Variants in FLNC observed in about 807,000 individuals in gnomAD.
FLNC encodes filamin C, also known as filamin-C.
In FLNC, 91 loss-of-function variants were observed where a neutral mutation model predicts 254.3. The observed-to-expected ratio is 0.36, with a 90% CI of 0.30 to 0.43. The LOEUF (loss-of-function observed/expected upper bound fraction) is 0.43, where lower values mean the gene tolerates loss of function less well. FLNC is among the 20% of genes least tolerant of loss of function. The pLI, the probability that FLNC is intolerant of heterozygous loss-of-function variation, is 1.00. For synonymous variants in FLNC, 1,430 were observed against 1,577.2 expected, an observed-to-expected ratio of 0.91 and a Z score of 2.21; for missense variants, 2,853 against 3,802.6, an observed-to-expected ratio of 0.75 and a Z score of 6.57.
chr7:128,842,673 G>A lies in FLNC; in HGVS notation c.2364G>A (p.Thr788=), dbSNP rs1020284790. ...GLKANEPTYF[T]VDCSEAGQGD... Reference sequence around the variant, plus strand: ...AGGCCAATGAGCCCACCTACTTCACGGTGGACTGCAGCGAGGCGGGGCAAG... The same window carrying A: ...AGGCCAATGAGCCCACCTACTTCACAGTGGACTGCAGCGAGGCGGGGCAAG... Residue 788 remains threonine, a synonymous_variant, in exon 15 of 48, where the codon ACG becomes ACA. Coordinates refer to ENST00000325888, the MANE Select transcript of FLNC (RefSeq NM_001458.5). The surrounding 1 kb of genome is among the most constrained non-coding windows in gnomAD (Gnocchi z 5.4). The A allele has an allele frequency of 3.3e-5, 52 of 1,556,210 alleles. No homozygotes were observed. The highest frequency in any genetic ancestry group is 4.3e-5 in the Non-Finnish European group (50 of 1,149,710).
chr7:128,848,735 C>T lies in FLNC; in HGVS notation c.4737+18C>T, dbSNP rs778735721. On this transcript the variant is annotated intron_variant, in intron 27 of 47. Transcript: ENST00000325888. The stretch of plus-strand genomic sequence containing the variant: ...AGATCTTGGTGAGTCTCTGTGCATC[C>T]CACCCCGCAGGTCATGCTCCAGGCA... 72 of 1,613,834 alleles carry T rather than the reference C, an allele frequency of 4.5e-5. 1 individual carries two copies. Among genetic ancestry groups the T allele is most frequent in the South Asian group, 1.1e-4 (10 of 91,092 alleles).
chr7:128,847,897 T>G (rs1404137013), intron 25 of FLNC, 33 bp downstream of exon 25: 2 of 1,613,190 alleles, frequency 1.2e-6, no homozygotes, highest in African/African-American at 1.3e-5. Flanking sequence ...AGGAGGGAGG[T>G]GGGGCGGGAC....
chr7:128,844,527 C>T, intron 20 of FLNC, 131 bp from the exon 21 acceptor site: 2 of 979,532 alleles, frequency 2.0e-6, no homozygotes, highest in Non-Finnish European at 3.2e-6. Flanking sequence ...TCAATGTCAT[C>T]ACCTGGGATT....
chr7:128,838,660 C>G lies in FLNC; in HGVS notation c.1268C>G (p.Thr423Arg). 1.2e-6 allele frequency: 2 copies of G among 1,613,032 alleles called. No individual in the cohort carries two copies. Among genetic ancestry groups the G allele is most frequent in the Non-Finnish European group, 1.7e-6 (2 of 1,180,004 alleles). ...GTGGACCCACAGGGCCGGCGGGACA[C>G]AGTGGAGGTGGCCCTGGAGGACAAG... Reference protein sequence around the residue: ...VIVDPQGRRDTVEVALEDKGD... With the variant: ...VIVDPQGRRDRVEVALEDKGD... The change falls in exon 8 of 48, where the codon ACA becomes AGA. Residue 423 changes from threonine (T) to arginine (R), a missense_variant. Physicochemically the swap from Thr to Arg is moderately conservative, Grantham distance 71. Around this residue, in one of 10 missense-constraint regions of FLNC, gnomAD observed 1,573 missense variants for 1,883.5 expected, o/e 0.84. Transcript: ENST00000325888.
In FLNC at chr7:128,857,775, G is replaced by A. The variant is rs921708180; in HGVS notation, c.7781-233G>A. On this transcript the variant is annotated intron_variant, in intron 46 of 47. Transcript: ENST00000325888. This position sits in a 1 kb window ranked among gnomAD's most constrained non-coding sequence, Gnocchi z 4.5. ...GACAAAGCCTGCAAGGATGAGGGAC[G>A]CAGCATCTGAGGCCCCAGCCCTAGG... is the stretch of plus-strand genomic sequence containing the variant. Among the ~76,000 whole-genome samples the A allele has an allele frequency of 2.0e-5, 3 of 152,140 alleles. No individual in the cohort carries two copies. The highest frequency in any genetic ancestry group is 4.8e-5 in the African/African-American group (2 of 41,410).
chr7:128,848,512 GC>G, intron 26 of FLNC, 48 bp from the exon 27 acceptor site: 1 of 1,554,350 alleles, frequency 6.4e-7, no homozygotes. Context: ...ACCCCCCACC[GC>G]CCCGTCCATG....
At position 128,849,982 on chromosome 7, in the gene FLNC, GA is replaced by G; in HGVS notation, c.5207del (p.Asp1736AlafsTer47). 6.3e-7 allele frequency: 1 copy of G among 1,588,224 alleles called. No homozygotes were observed. The highest frequency in any genetic ancestry group is 8.5e-7 in the Non-Finnish European group (1 of 1,172,388). ...CCGTGCCTTGCCTCCCCAGGCGTGT[GA>G]CCCCCTGCCGCACGAGGAGGAGCCC... ...PNSPFHVLAC[D>X]PLPHEEEPSE... On this transcript the variant is annotated frameshift_variant, in exon 31 of 48. Transcript: ENST00000325888. LOFTEE classifies it high-confidence loss of function.
rs553714847 is a variant in FLNC at position 128,858,459 on chromosome 7, T to C, written c.8114T>C (p.Ile2705Thr). Reference protein sequence around the residue: ...TYTVKEKGDYILIVKWGDESV... With the variant: ...TYTVKEKGDYTLIVKWGDESV... Reference sequence around the variant, plus strand: ...ACTGTCAAGGAGAAAGGGGACTACATCCTCATTGTCAAGTGGGGTGACGAA... The same window carrying C: ...ACTGTCAAGGAGAAAGGGGACTACACCCTCATTGTCAAGTGGGGTGACGAA... Residue 2705 changes from isoleucine to threonine, a missense_variant, in exon 48 of 48, where the codon ATC becomes ACC. Transcript: ENST00000325888. This position sits in a 1 kb window ranked among gnomAD's most constrained non-coding sequence, Gnocchi z 6.7. 1.2e-6 allele frequency: 2 copies of C among 1,613,644 alleles called. No individual in the cohort carries two copies. The highest frequency in any genetic ancestry group is 4.5e-5 in the East Asian group (2 of 44,862).
chr7:128,853,430 C>A (rs1324932414), intron 37 of FLNC, 39 bp from the exon 38 acceptor site: 2 of 1,611,290 alleles, frequency 1.2e-6, no homozygotes, highest in Admixed American at 3.3e-5. Flanking sequence ...GCTTGGCCAG[C>A]CTAGGACTGA....
Position 128,857,571 on chromosome 7 carries a change from C to T in FLNC, c.7780+235C>T, listed in dbSNP as rs1306950090. 2.0e-5 allele frequency among the ~76,000 whole-genome samples: 3 copies of T among 151,488 alleles called. No individual in the cohort carries two copies. The highest frequency in any genetic ancestry group is 4.4e-5 in the Non-Finnish European group (3 of 68,022). On this transcript the variant is annotated intron_variant, in intron 46 of 47. Coordinates refer to ENST00000325888, the MANE Select transcript of FLNC (RefSeq NM_001458.5). This position sits in a 1 kb window ranked among gnomAD's most constrained non-coding sequence, Gnocchi z 4.5. ...CCCTCACTCCTTCAGCTCTGGCCTG[C>T]GCTGGCTCCTCAGGCTCTAGCACCA...
rs376861280 is a variant in FLNC at position 128,842,747 on chromosome 7, G to A, written c.2390-47G>A. 2.7e-5 allele frequency: 43 copies of A among 1,600,920 alleles called. No homozygotes were observed. In the African/African-American group the frequency reaches 4.4e-4, roughly 16 times the overall value. Reference sequence around the variant, plus strand: ...GTCTGGGAGGGGGCGGGGGTGAGTCGAGTCGGGGGCTGAGCCCAACTCACA... The same window carrying A: ...GTCTGGGAGGGGGCGGGGGTGAGTCAAGTCGGGGGCTGAGCCCAACTCACA... On this transcript the variant is annotated intron_variant, in intron 15 of 47. Coordinates refer to ENST00000325888, the MANE Select transcript of FLNC (RefSeq NM_001458.5). The surrounding 1 kb of genome is among the most constrained non-coding windows in gnomAD (Gnocchi z 5.4).
intron 35 of FLNC, among the ~76,000 whole-genome samples, chr7:128,852,185 A>G (rs1426972221): frequency 6.6e-6 from 1 of 152,178 alleles, no homozygotes; most frequent in Non-Finnish European, 1.5e-5. Flanking sequence ...TTAAGAAGTT[A>G]GGGCACGGAT....
rs1439978211 is a variant in FLNC, at chr7:128,830,511, G to C, written c.-127G>C. The C allele has an allele frequency of 6.0e-5, 48 of 797,604 alleles. No homozygotes were observed. The Admixed American group carries it at 1.3e-3, about 21-fold the overall frequency. The allele number at this position is 797,604 out of a possible 1,614,324, so 49.4% of individuals were successfully genotyped here. A position where few individuals can be genotyped will look rare whatever the true frequency, so the allele number is the denominator to read the frequency against. Reference sequence around the variant, plus strand: ...CGCCGAGCCCCGCCAGCCCCGGCGCGAGAGAAGTTGGAGAGGAGAGCAGCG... The same window carrying C: ...CGCCGAGCCCCGCCAGCCCCGGCGCCAGAGAAGTTGGAGAGGAGAGCAGCG... On this transcript the variant is annotated 5_prime_UTR_variant, in exon 1 of 48. Transcript: ENST00000325888.
Position 128,845,855 on chromosome 7 carries a change from GAGAGGAGGGTGAGAGGAGGGGA to G in FLNC, c.3791-125_3791-104del, listed in dbSNP as rs1469062809. Reference sequence around the variant, plus strand: ...GAGTTGGGGAGTGGGAGAGGAGGGGGAGAGGAGGGTGAGAGGAGGGGAAGAGGAGGGGAAGAGGAGAGGGAGA... The same window carrying G: ...GAGTTGGGGAGTGGGAGAGGAGGGGGAGAGGAGGGGAAGAGGAGAGGGAGA... On this transcript the variant is annotated intron_variant, in intron 21 of 47. Coordinates refer to ENST00000325888, the MANE Select transcript of FLNC (RefSeq NM_001458.5). The G allele has an allele frequency of 5.2e-6, 4 of 774,422 alleles. No homozygotes were observed. In the African/African-American group the frequency reaches 5.9e-5, roughly 11 times the overall value. The allele number at this position is 774,422 out of a possible 1,614,324, so 48.0% of individuals were successfully genotyped here.
rs1168628508 is a variant in FLNC at position 128,848,881 on chromosome 7, G to A, written c.4826G>A (p.Arg1609Gln). Residue 1609 changes from arginine to glutamine, a missense_variant, in exon 28 of 48, where the codon CGG becomes CAG. Arg to Gln is a conservative substitution (Grantham distance 43). Coordinates refer to ENST00000325888, the MANE Select transcript of FLNC (RefSeq NM_001458.5). ...TVSYLPDMSG[R>Q]YTITIKYGGD... is the part of the protein sequence containing the mutation. ...TCCTACCTGCCGGACATGAGTGGCC[G>A]GTACACCATCACCATCAAGTATGGC... 5.0e-6 allele frequency: 8 copies of A among 1,614,020 alleles called. No individual in the cohort carries two copies. Among genetic ancestry groups the A allele is most frequent in the East Asian group, 2.2e-5 (1 of 44,876 alleles).
chr7:128,853,635 C>A lies in FLNC; in HGVS notation c.6361+14C>A. 6.2e-7 allele frequency: 1 copy of A among 1,614,028 alleles called. No homozygotes were observed. Among genetic ancestry groups the A allele is most frequent in the Non-Finnish European group, 8.5e-7 (1 of 1,180,012 alleles). On this transcript the variant is annotated intron_variant, in intron 38 of 47. Coordinates refer to ENST00000325888, the MANE Select transcript of FLNC (RefSeq NM_001458.5). ...AGCACGTGCCTGGTAAGGCTCTGGG[C>A]AGAGGTCGGTGGCGAGAGACAGGGA...
At position 128,849,623 on chromosome 7, in the gene FLNC, G is replaced by A. The variant is rs776531308; in HGVS notation, c.5199+45G>A. 5 of 1,605,032 alleles carry A rather than the reference G, an allele frequency of 3.1e-6. No individual in the cohort carries two copies. The East Asian group carries it at 6.7e-5, about 22-fold the overall frequency. The stretch of plus-strand genomic sequence containing the variant: ...CAAGACTAGATGGCTGGGGAGGGGG[G>A]CCTGGCCCTTTTAGCAGCAGCAGGG... On this transcript the variant is annotated intron_variant, in intron 30 of 47. Coordinates refer to ENST00000325888, the MANE Select transcript of FLNC (RefSeq NM_001458.5).
Position 128,837,480 on chromosome 7 carries a change from A to G in FLNC, c.782A>G (p.Lys261Arg), listed in dbSNP as rs370330345. ...TACCTGTCCCAGTTCCCCAAGGCCAAGCTCAAACCTGGTGCCCCTGTTCGA... is the reference window on the plus strand; with the variant it reads ...TACCTGTCCCAGTTCCCCAAGGCCAGGCTCAAACCTGGTGCCCCTGTTCGA... ...MTYLSQFPKA[K>R]LKPGAPVRSK... Residue 261 changes from lysine to arginine, a missense_variant, in exon 4 of 48, where the codon AAG becomes AGG. Physicochemically the swap from Lys to Arg is conservative, Grantham distance 26. This residue lies in a region of FLNC where 115 missense variants were observed against 230.3 expected (regional missense o/e 0.50). Transcript: ENST00000325888. 1 of 1,614,076 alleles carries G rather than the reference A, an allele frequency of 6.2e-7. No individual in the cohort carries two copies.
At position 128,842,362 on chromosome 7, in the gene FLNC, G is replaced by C; in HGVS notation, c.2253G>C (p.Lys751Asn). Residue 751 changes from lysine to asparagine, a missense_variant, in exon 14 of 48, where the codon AAG becomes AAC. By Grantham distance (94) the Lys-to-Asn change is moderately conservative. Coordinates refer to ENST00000325888, the MANE Select transcript of FLNC (RefSeq NM_001458.5). The surrounding 1 kb of genome is among the most constrained non-coding windows in gnomAD (Gnocchi z 5.4). ...CCTGGGGAGGCGTAAACGTGCCCAA[G>C]AGCCCCTTCCGGGTGCGTCCTCCCG... Reference protein sequence around the residue: ...IISWGGVNVPKSPFRVNVGEG... With the variant: ...IISWGGVNVPNSPFRVNVGEG... The C allele has an allele frequency of 6.2e-7, 1 of 1,613,508 alleles. No homozygotes were observed. Among genetic ancestry groups the C allele is most frequent in the Middle Eastern group, 1.6e-4 (1 of 6,062 alleles).
Sources: allele counts gnomAD v4.1 joint callset (sites outside exome capture counted in the v4.1 genomes callset), GRCh38; gene constraint gnomAD v4.1.1; regional missense constraint gnomAD v4.1.1; non-coding constraint Gnocchi (gnomAD v3.1); transcripts MANE v1.5; gene names NCBI Gene and HGNC (gene_info 2026-07-23, HGNC 2026-07-21).